Variants in GPD1L observed in about 807,000 individuals in gnomAD.
GPD1L encodes the protein glycerol-3-phosphate dehydrogenase 1 like.
GPD1L carries 17 observed loss-of-function variants against 32.9 expected under a neutral mutation model. The observed-to-expected ratio is 0.52, with a 90% CI of 0.35 to 0.78. The LOEUF (loss-of-function observed/expected upper bound fraction) is 0.78. Ranked by LOEUF, GPD1L falls within the 30% of genes least tolerant of loss-of-function variation. The pLI, the probability that GPD1L is intolerant of heterozygous loss-of-function variation, is 0.01. For synonymous variants in GPD1L, 187 were observed against 165.9 expected (o/e 1.13, Z -0.98); for missense variants, 361 against 447.8 (o/e 0.81, Z 1.75).
intron 5 of GPD1L, 74 bp downstream of exon 5, chr3:32,146,808 T>G (rs904559572): frequency 1.2e-6 from 1 of 857,948 alleles, no homozygotes. Flanking sequence ...TCCTCAAGAA[T>G]GGGCTCTGTG....
At chr3:32,113,111 A>G (rs1467141653) in intron 1 of GPD1L, among the ~76,000 whole-genome samples, 1 of 152,112 alleles carries the variant, frequency 6.6e-6, no homozygotes, top group Non-Finnish European at 1.5e-5. Flanking sequence ...AATGGAAGCA[A>G]GGCCTTAAAA....
chr3:32,166,366 A>G lies in GPD1L; in HGVS notation c.*456A>G, dbSNP rs1701147702. 1.0e-5 allele frequency: 2 copies of G among 200,470 alleles called. No individual in the cohort carries two copies. Among genetic ancestry groups the G allele is most frequent in the Non-Finnish European group, 2.1e-5 (2 of 97,254 alleles). 12.4% of individuals were successfully genotyped at this position (200,470 alleles called of 1,614,324 possible). On this transcript the variant is annotated 3_prime_UTR_variant, in exon 8 of 8. Transcript: ENST00000282541. ...AGTGAGTGTGTTCAAAGATCAACAT[A>G]TTTAACTTTTAAACACTATCTCAAA...
chr3:32,150,863 GAAGACTGCTTGAGTCCACGAGTTC>G (rs1035171923), intron 5 of GPD1L, among the ~76,000 whole-genome samples: 2 of 152,140 alleles, frequency 1.3e-5, no homozygotes, highest in African/African-American at 4.8e-5. Context: ...GCCGAGGTGG[GAAGACTGCTTGAGTCCACGAGTTC>G]AAGACCAGCC....
At chr3:32,119,748 T>C (rs1385165312) in intron 1 of GPD1L, among the ~76,000 whole-genome samples, 2 of 152,168 alleles carry the variant, frequency 1.3e-5, no homozygotes, top group African/African-American at 4.8e-5. Context: ...AGTGAAAAAG[T>C]ACATGTTATT....
Position 32,159,480 on chromosome 3 carries a change from A to G in GPD1L, c.853-88A>G, listed in dbSNP as rs57228367. The G allele has an allele frequency of 0.25, 193,327 of 783,394 alleles. 13,058 individuals carry two copies. Among genetic ancestry groups the G allele is most frequent in the East Asian group, 0.42 (14,284 of 33,896 alleles). The allele number at this position is 783,394 out of a possible 1,614,324, so 48.5% of individuals were successfully genotyped here. A position where few individuals can be genotyped will look rare whatever the true frequency, so the allele number is the denominator to read the frequency against. On this transcript the variant is annotated intron_variant, in intron 6 of 7. Transcript: ENST00000282541. ...ACCCATTCTCTAAAAAAAAAAAAAA[A>G]GAAAAAAAACACTTAAAAATTAAAC...
intron 3 of GPD1L, among the ~76,000 whole-genome samples, chr3:32,139,914 C>T (rs916338310): frequency 6.6e-6 from 1 of 152,106 alleles, no homozygotes; most frequent in African/African-American, 2.4e-5. Flanking sequence ...TCAAGAAAAG[C>T]AAGGGAGCAA....
intron 1 of GPD1L, among the ~76,000 whole-genome samples, chr3:32,108,025 A>AGG (rs1034493788): frequency 2.0e-5 from 3 of 152,196 alleles, no homozygotes; most frequent in Non-Finnish European, 4.4e-5. Context: ...CTGGGATTAC[A>AGG]GGTGTGAGCC....
intron 2 of GPD1L, among the ~76,000 whole-genome samples, chr3:32,137,655 ATAC>A (rs1700685210): frequency 3.9e-5 from 6 of 152,186 alleles, no homozygotes; most frequent in Non-Finnish European, 8.8e-5. Context: ...GGAAGAACAG[ATAC>A]TAGGTGCAGC....
intron 7 of GPD1L, among the ~76,000 whole-genome samples, chr3:32,160,056 A>T (rs1701054609): frequency 6.6e-6 from 1 of 152,170 alleles, no homozygotes; most frequent in Admixed American, 6.5e-5. Context: ...ATGTCAAGTC[A>T]GAAAAGAAGG....
chr3:32,117,392 G>A (rs1348958868), intron 1 of GPD1L, among the ~76,000 whole-genome samples: 4 of 152,230 alleles, frequency 2.6e-5, no homozygotes, highest in African/African-American at 4.8e-5. Context: ...CATTCCAGCT[G>A]TAGAGGGCCT....
chr3:32,140,272 C>A lies in GPD1L; in HGVS notation c.411C>A (p.Ile137=), dbSNP rs1164026987. 1.9e-6 allele frequency: 3 copies of A among 1,613,960 alleles called. No homozygotes were observed. Among genetic ancestry groups the A allele is most frequent in the Admixed American group, 1.7e-5 (1 of 60,000 alleles). ...GPEGLKLISD[I]IREKMGIDIS... ...AGGGGCTGAAGCTCATTTCTGACAT[C>A]ATCCGTGAGAAGATGGGTATTGACA... The change falls in exon 4 of 8, where the codon ATC becomes ATA. Residue 137 remains isoleucine (I), a synonymous_variant. Coordinates refer to ENST00000282541, the MANE Select transcript of GPD1L (RefSeq NM_015141.4).
At chr3:32,111,911 G>A (rs1309079068) in intron 1 of GPD1L, among the ~76,000 whole-genome samples, 1 of 151,378 alleles carries the variant, frequency 6.6e-6, no homozygotes, top group Non-Finnish European at 1.5e-5. Flanking sequence ...CTCAGTTTCT[G>A]TTGTGATTCT....
At chr3:32,123,839 T>TAGATAGATAGATAGACAGATAGATAGAC (rs58722314) in intron 1 of GPD1L, among the ~76,000 whole-genome samples, 1 of 134,488 alleles carries the variant, frequency 7.4e-6, no homozygotes, top group Non-Finnish European at 1.6e-5. Context: ...GATAGATAGA[T>TAGATAGATAGATAGACAGATAGATAGAC]AGACAGACAG....
chr3:32,132,324 TA>T (rs1162094699), intron 2 of GPD1L, among the ~76,000 whole-genome samples: 1 of 152,212 alleles, frequency 6.6e-6, no homozygotes, highest in South Asian at 2.1e-4. Flanking sequence ...GTGGTTTGAA[TA>T]AATGCCAAGG....
intron 1 of GPD1L, among the ~76,000 whole-genome samples, chr3:32,118,166 C>T (rs1217446387): frequency 5.9e-5 from 9 of 151,984 alleles, no homozygotes; most frequent in Non-Finnish European, 1.0e-4. Flanking sequence ...GCTTTGGATT[C>T]GGGGTCTGTT....
At chr3:32,122,981 T>C (rs1260125202) in intron 1 of GPD1L, among the ~76,000 whole-genome samples, 6 of 152,200 alleles carry the variant, frequency 3.9e-5, no homozygotes, top group Admixed American at 3.9e-4. Context: ...CATGGCTTAC[T>C]GCAGCCTTGA....
chr3:32,135,190 A>G lies in GPD1L; in HGVS notation c.226-3397A>G, dbSNP rs2100289. On this transcript the variant is annotated intron_variant, in intron 2 of 7. Transcript: ENST00000282541. Reference sequence around the variant, plus strand: ...TATGTGTTAGAGGTGGATGGGGAAGAGGAGAAACAGTAGGTCCAGAGGAAT... The same window carrying G: ...TATGTGTTAGAGGTGGATGGGGAAGGGGAGAAACAGTAGGTCCAGAGGAAT... 0.024 allele frequency among the ~76,000 whole-genome samples: 3,594 copies of G among 152,268 alleles called. 293 individuals carry two copies. In the East Asian group the frequency reaches 0.25, roughly 11 times the overall value.
intron 1 of GPD1L, among the ~76,000 whole-genome samples, chr3:32,125,071 T>C (rs1009829954): frequency 1.1e-4 from 16 of 152,132 alleles, no homozygotes; most frequent in African/African-American, 3.9e-4. Flanking sequence ...AGAACAAAAC[T>C]AGGCCTTAAG....
intron 5 of GPD1L, among the ~76,000 whole-genome samples, chr3:32,149,960 A>C (rs971934933): frequency 6.6e-6 from 1 of 152,028 alleles, no homozygotes; most frequent in Non-Finnish European, 1.5e-5. Flanking sequence ...AAAAAAAAAA[A>C]AAATGTAATT....
Sources: gnomAD v4.1 joint callset for allele counts (sites outside exome capture counted in the v4.1 genomes callset) on GRCh38, gnomAD v4.1.1 for gene constraint, MANE v1.5 for transcripts, NCBI Gene and HGNC (gene_info 2026-07-23, HGNC 2026-07-21) for gene names.